The following PPFIA1 variants were observed in gnomAD, a reference collection of about 807,000 sequenced individuals.
The protein encoded by PPFIA1 is liprin-alpha-1.
A neutral mutation model predicts 149.9 loss-of-function variants in PPFIA1; 25 were observed. The ratio of observed to expected loss-of-function variants is 0.17; its 90% confidence interval spans 0.12 to 0.23. The LOEUF is 0.23. Among genes scored for constraint, PPFIA1 ranks in the 10% least tolerant of loss-of-function variants. The pLI is 1.00. For missense variants in PPFIA1, 1,362 were observed against 1,506.5 expected (o/e 0.90, Z 1.59); for synonymous variants, 549 against 552.8 (o/e 0.99, Z 0.10).
At chr11:70,332,814 C>G (rs1199142161) in intron 9 of PPFIA1, among the ~76,000 whole-genome samples, 1 of 152,214 alleles carries the variant, frequency 6.6e-6, no homozygotes, top group Non-Finnish European at 1.5e-5. Flanking sequence ...GTCTGTCGTC[C>G]TGAGTCTTCT....
chr11:70,337,470 T>G (rs1565413843), intron 12 of PPFIA1, 43 bp downstream of exon 12: 1 of 1,432,152 alleles, frequency 7.0e-7, no homozygotes, highest in Non-Finnish European at 9.6e-7. Context: ...CAAGTTGAAC[T>G]GAGTTGATGA....
At position 70,374,958 on chromosome 11, in the gene PPFIA1, C is replaced by T. The variant is rs765828707; in HGVS notation, c.3180C>T (p.Ile1060=). The T allele has an allele frequency of 1.9e-6, 3 of 1,612,920 alleles. No homozygotes were observed. Among genetic ancestry groups the T allele is most frequent in the East Asian group, 4.5e-5 (2 of 44,830 alleles). Residue 1060 remains isoleucine, a synonymous_variant, in exon 24 of 28, where the codon ATC becomes ATT. Transcript: ENST00000253925. ...GCAATGATCGAGTGATTCGCTGGAT[C>T]CTGTCAATTGGCCTTAAAGAATATG... ...VWSNDRVIRW[I]LSIGLKEYAN...
chr11:70,320,662 C>G (rs976579220), intron 2 of PPFIA1, among the ~76,000 whole-genome samples: 11 of 151,914 alleles, frequency 7.2e-5, no homozygotes, highest in African/African-American at 2.7e-4. Context: ...GTCTTGAACT[C>G]CTGGGCTCAA....
In PPFIA1 at chr11:70,376,478, C is replaced by T. The variant is rs145388920; in HGVS notation, c.3316-54C>T. The stretch of plus-strand genomic sequence containing the variant: ...TTAAAAAACAATTACGATGCTAACA[C>T]CCTTCAAATTAGATTTGATGAAAGT... On this transcript the variant is annotated intron_variant, in intron 24 of 27. Coordinates refer to ENST00000253925, the MANE Select transcript of PPFIA1 (RefSeq NM_003626.5). 19 of 1,494,396 alleles carry T rather than the reference C, an allele frequency of 1.3e-5. No individual in the cohort carries two copies. The Admixed American group carries it at 3.0e-4, about 24-fold the overall frequency. The allele number at this position is 1,494,396 out of a possible 1,614,324, so 92.6% of individuals were successfully genotyped here.
chr11:70,376,019 G>A (rs950063521), intron 24 of PPFIA1, among the ~76,000 whole-genome samples: 2 of 151,476 alleles, frequency 1.3e-5, no homozygotes, highest in South Asian at 2.1e-4. Context: ...ATGGAGTTTC[G>A]CTCTTGTTGC....
intron 2 of PPFIA1, among the ~76,000 whole-genome samples, chr11:70,321,991 TC>T (rs1332429290): frequency 1.3e-5 from 2 of 152,222 alleles, no homozygotes; most frequent in Non-Finnish European, 2.9e-5. Context: ...TGTCTCAGCG[TC>T]CTGAGTAGCT....
Position 70,326,688 on chromosome 11 carries a change from G to A in PPFIA1, c.800G>A (p.Ser267Asn). ...EIISKQSREQ[S>N]QMKERLASLS... is the part of the protein sequence containing the mutation. ...ATAAGTAAGCAGTCAAGGGAACAGA[G>A]CCAAATGAAAGAACGCCTGGCTTCC... Residue 267 changes from serine (S) to asparagine (N), a missense_variant, in exon 7 of 28, where the codon AGC becomes AAC. This residue lies in a region of PPFIA1 where 733 missense variants were observed against 744.1 expected (regional missense o/e 0.99). Coordinates refer to ENST00000253925, the MANE Select transcript of PPFIA1 (RefSeq NM_003626.5). The A allele has an allele frequency of 1.2e-6, 2 of 1,614,112 alleles. No homozygotes were observed. The highest frequency in any genetic ancestry group is 1.7e-6 in the Non-Finnish European group (2 of 1,180,022).
chr11:70,336,880 G>A (rs965631773), intron 11 of PPFIA1, among the ~76,000 whole-genome samples: 2 of 152,166 alleles, frequency 1.3e-5, no homozygotes, highest in Admixed American at 6.5e-5. Flanking sequence ...AATGATTCCC[G>A]CTCATTGCAT....
intron 2 of PPFIA1, chr11:70,278,833 A>G (rs1202938603): frequency 5.1e-6 from 2 of 389,272 alleles, no homozygotes; most frequent in Non-Finnish European, 1.0e-5. Context: ...TCACAGAGAT[A>G]TAGTTCACTG....
intron 23 of PPFIA1, chr11:70,374,563 GTCTGTGTGTGAAGCATGTTTA>G: frequency 5.2e-6 from 1 of 192,498 alleles, no homozygotes; most frequent in Non-Finnish European, 1.0e-5. Context: ...AGACTCTCCA[GTCTGTGTGTGAAGCATGTTTA>G]TACATGTTAG....
chr11:70,325,005 T>C lies in PPFIA1; in HGVS notation c.525T>C (p.Asp175=). Residue 175 remains aspartate, a synonymous_variant, in exon 4 of 28, where the codon GAT becomes GAC. Transcript: ENST00000253925. ...KSLFEHHKAL[D]EKVRERLRVA... ...TATTTGAACACCACAAAGCTCTGGA[T>C]GAAAAGGTGCCATCAGCCACATAAG... 6.2e-7 allele frequency: 1 copy of C among 1,605,816 alleles called. No individual in the cohort carries two copies. Among genetic ancestry groups the C allele is most frequent in the Non-Finnish European group, 8.5e-7 (1 of 1,177,664 alleles).
At position 70,355,697 on chromosome 11, in the gene PPFIA1, G is replaced by T; in HGVS notation, c.2374G>T (p.Asp792Tyr). ...SNPSSSNSSQ[D>Y]SLHKAPKKKG... Reference sequence around the variant, plus strand: ...CCCCAGCAGTAGCAACAGTAGCCAGGACTCGCTCCACAAAGCCCCAAAGAA... The same window carrying T: ...CCCCAGCAGTAGCAACAGTAGCCAGTACTCGCTCCACAAAGCCCCAAAGAA... The change falls in exon 18 of 28, where the codon GAC (aspartate) becomes TAC (tyrosine). Residue 792 changes from aspartate (D) to tyrosine (Y), a missense_variant. By Grantham distance (160) the Asp-to-Tyr change is radical. Around this residue, in one of 7 missense-constraint regions of PPFIA1, gnomAD observed 733 missense variants for 744.1 expected, o/e 0.99. Coordinates refer to ENST00000253925, the MANE Select transcript of PPFIA1 (RefSeq NM_003626.5). 6.2e-7 allele frequency: 1 copy of T among 1,614,092 alleles called. No homozygotes were observed. The highest frequency in any genetic ancestry group is 8.5e-7 in the Non-Finnish European group (1 of 1,180,020).
chr11:70,283,887 C>A, intron 2 of PPFIA1: 1 of 470,702 alleles, frequency 2.1e-6, no homozygotes, highest in African/African-American at 2.0e-5. Context: ...CAGTGGAGCC[C>A]CCTCAACAAA....
intron 12 of PPFIA1, 118 bp from the exon 13 acceptor site, chr11:70,338,256 A>G (rs2055101294): frequency 1.3e-6 from 1 of 780,832 alleles, no homozygotes. Flanking sequence ...AATGTTTGGT[A>G]TTTGTAACTG....
At chr11:70,372,428 A>G in intron 22 of PPFIA1, 38 bp downstream of exon 22, 2 of 1,613,314 alleles carry the variant, frequency 1.2e-6, no homozygotes, top group Non-Finnish European at 8.5e-7. Flanking sequence ...ATTGGCTAAG[A>G]TTTTTCACTG....
At chr11:70,274,082 G>A (rs2050250320) in intron 2 of PPFIA1, among the ~76,000 whole-genome samples, 2 of 152,194 alleles carry the variant, frequency 1.3e-5, no homozygotes, top group South Asian at 4.1e-4. Context: ...GATGCCAACG[G>A]TTCACGTTAC....
chr11:70,361,429 G>A (rs934667739), intron 19 of PPFIA1, among the ~76,000 whole-genome samples: 1 of 151,992 alleles, frequency 6.6e-6, no homozygotes, highest in Non-Finnish European at 1.5e-5. Context: ...GTACTGTATT[G>A]GTTTTTTTTG....
intron 24 of PPFIA1, among the ~76,000 whole-genome samples, chr11:70,375,948 ATAT>A (rs1221122254): frequency 2.6e-5 from 4 of 152,134 alleles, no homozygotes; most frequent in Admixed American, 2.0e-4. Context: ...CTGATTTAAA[ATAT>A]TATTATGGTT....
chr11:70,332,422 A>C lies in PPFIA1; in HGVS notation c.1212+328A>C, dbSNP rs1215934624. On this transcript the variant is annotated intron_variant, in intron 9 of 27. Coordinates refer to ENST00000253925, the MANE Select transcript of PPFIA1 (RefSeq NM_003626.5). ...CTGTAAAAGAAGGGTAGTTTTTCTCAGAAATAGGAAGATGCCGTTCTTTTA... is the reference window on the plus strand; with the variant it reads ...CTGTAAAAGAAGGGTAGTTTTTCTCCGAAATAGGAAGATGCCGTTCTTTTA... Among the ~76,000 whole-genome samples, 4 of 152,302 alleles carry C rather than the reference A, an allele frequency of 2.6e-5. No homozygotes were observed. In the East Asian group the frequency reaches 7.7e-4, roughly 29 times the overall value.
Sources: allele counts gnomAD v4.1 joint callset (sites outside exome capture counted in the v4.1 genomes callset), GRCh38; gene constraint gnomAD v4.1.1; regional missense constraint gnomAD v4.1.1; transcripts MANE v1.5; gene names NCBI Gene and HGNC (gene_info 2026-07-23, HGNC 2026-07-21).